The following GRID1 variants were observed in gnomAD, a reference collection of about 807,000 sequenced individuals.
The protein encoded by GRID1 is glutamate receptor ionotropic, delta-1.
GRID1 carries 28 observed loss-of-function variants against 98.0 expected under a neutral mutation model. The observed-to-expected ratio is 0.29, with a 90% CI of 0.21 to 0.39. GRID1 has a LOEUF of 0.39. GRID1 is among the 10% of genes least tolerant of loss of function. The pLI is 1.00. For missense variants in GRID1, 1,111 were observed against 1,340.5 expected (o/e 0.83, Z 2.67); for synonymous variants, 553 against 538.5 (o/e 1.03, Z -0.37).
chr10:86,270,061 T>C (rs2132060855), intron 2 of GRID1, among the ~76,000 whole-genome samples: 1 of 152,338 alleles, frequency 6.6e-6, no homozygotes, highest in East Asian at 1.9e-4. Context: ...GCGTTTATAA[T>C]TGCATTCAAT....
chr10:86,277,253 G>A (rs111553507), intron 2 of GRID1, among the ~76,000 whole-genome samples: 72 of 152,288 alleles, frequency 4.7e-4, no homozygotes, highest in African/African-American at 1.7e-3. Flanking sequence ...CTTTTAAAAA[G>A]AGAAATTAAG....
intron 4 of GRID1, among the ~76,000 whole-genome samples, chr10:85,928,461 C>T (rs1409346020): frequency 5.9e-5 from 9 of 152,306 alleles, no homozygotes; most frequent in Middle Eastern, 6.8e-3. Flanking sequence ...GTGTGGGAAT[C>T]GGCACTGGCA....
chr10:86,317,308 C>T (rs1589447509), intron 2 of GRID1, among the ~76,000 whole-genome samples: 1 of 152,334 alleles, frequency 6.6e-6, no homozygotes, highest in South Asian at 2.1e-4. Flanking sequence ...ATCCACAAGC[C>T]CCCTTCCCCA....
chr10:85,857,816 G>A (rs1379353582), intron 6 of GRID1, among the ~76,000 whole-genome samples: 1 of 152,070 alleles, frequency 6.6e-6, no homozygotes, highest in Non-Finnish European at 1.5e-5. Context: ...TCCTCCCCCA[G>A]CCTCACCCCT....
At chr10:86,307,865 G>T (rs1413317817) in intron 2 of GRID1, among the ~76,000 whole-genome samples, 1 of 152,098 alleles carries the variant, frequency 6.6e-6, no homozygotes, top group African/African-American at 2.4e-5. Context: ...AATGTCCTTT[G>T]TTCCTTTGTT....
chr10:86,057,010 T>C (rs910150092), intron 4 of GRID1, among the ~76,000 whole-genome samples: 4 of 152,202 alleles, frequency 2.6e-5, no homozygotes, highest in African/African-American at 9.7e-5. Context: ...GTGAAGTTCC[T>C]TCAGCACATC....
chr10:86,348,776 C>T (rs1021488501), intron 2 of GRID1, among the ~76,000 whole-genome samples: 5 of 152,240 alleles, frequency 3.3e-5, no homozygotes, highest in African/African-American at 7.2e-5. Context: ...TCACCAGTGC[C>T]GATCAGTGCG....
intron 4 of GRID1, among the ~76,000 whole-genome samples, chr10:86,127,768 G>A (rs143016514): frequency 7.7e-4 from 117 of 152,312 alleles, no homozygotes; most frequent in Middle Eastern, 3.4e-3. Context: ...GTGAGTAGGA[G>A]CTATCCTTCT....
At chr10:85,751,471 T>C (rs1029715750) in intron 8 of GRID1, among the ~76,000 whole-genome samples, 1 of 152,122 alleles carries the variant, frequency 6.6e-6, no homozygotes, top group Non-Finnish European at 1.5e-5. Flanking sequence ...GCAATCCCAT[T>C]GAGATAGCCC....
chr10:86,114,953 C>G lies in GRID1; in HGVS notation c.726+23866G>C, dbSNP rs1301907811. On this transcript the variant is annotated intron_variant, in intron 4 of 15. Coordinates refer to ENST00000327946, the MANE Select transcript of GRID1 (RefSeq NM_017551.3). ...TGACAGCAGGTAAGAATCCACCTCT[C>G]TCCCTGCCTGCTCCTGGGATCCAGT... 4.1e-4 allele frequency among the ~76,000 whole-genome samples: 63 copies of G among 152,248 alleles called. 1 individual carries two copies. The highest frequency in any genetic ancestry group is 7.3e-5 in the Non-Finnish European group (5 of 68,046).
chr10:86,027,774 C>T (rs1843134581), intron 4 of GRID1, among the ~76,000 whole-genome samples: 1 of 152,206 alleles, frequency 6.6e-6, no homozygotes, highest in Admixed American at 6.5e-5. Context: ...CATCTTGTTT[C>T]CTCAGCTCAG....
intron 8 of GRID1, among the ~76,000 whole-genome samples, chr10:85,749,680 T>A (rs1842028155): frequency 1.3e-5 from 2 of 152,178 alleles, no homozygotes. Context: ...TTCCTCCTAG[T>A]AATCTAAAAC....
intron 4 of GRID1, among the ~76,000 whole-genome samples, chr10:86,116,167 T>G (rs1163303084): frequency 6.6e-6 from 1 of 152,232 alleles, no homozygotes; most frequent in Non-Finnish European, 1.5e-5. Flanking sequence ...CGTGACTGTA[T>G]GTCTTCTAAT....
chr10:85,661,986 A>T (rs1172148925), intron 12 of GRID1, among the ~76,000 whole-genome samples: 1 of 152,138 alleles, frequency 6.6e-6, no homozygotes, highest in Non-Finnish European at 1.5e-5. Context: ...TCTGCCAAAA[A>T]CAAGGTTCTC....
At chr10:85,882,806 T>A (rs1841053515) in intron 5 of GRID1, among the ~76,000 whole-genome samples, 1 of 152,116 alleles carries the variant, frequency 6.6e-6, no homozygotes, top group East Asian at 1.9e-4. Context: ...TCATTTTAAC[T>A]GTCATTCCCT....
At chr10:85,642,329 T>G (rs558456803) in intron 13 of GRID1, among the ~76,000 whole-genome samples, 2 of 152,310 alleles carry the variant, frequency 1.3e-5, no homozygotes, top group South Asian at 4.1e-4. Flanking sequence ...TAAGTGCATG[T>G]GGCTGAGAGA....
At chr10:85,930,482 G>C (rs2131832222) in intron 4 of GRID1, among the ~76,000 whole-genome samples, 1 of 152,022 alleles carries the variant, frequency 6.6e-6, no homozygotes, top group Non-Finnish European at 1.5e-5. Context: ...GCCCTGGAGA[G>C]AGCCCATTCC....
At chr10:85,695,886 C>T (rs896674559) in intron 12 of GRID1, among the ~76,000 whole-genome samples, 5 of 152,124 alleles carry the variant, frequency 3.3e-5, no homozygotes, top group African/African-American at 1.2e-4. Context: ...AAGAGACATT[C>T]GTGGCTTCCT....
intron 12 of GRID1, among the ~76,000 whole-genome samples, chr10:85,667,943 C>G (rs1429338893): frequency 1.3e-5 from 2 of 152,220 alleles, no homozygotes; most frequent in African/African-American, 4.8e-5. Flanking sequence ...GGGCACCCAC[C>G]ATTCCCCATC....
Sources: gnomAD v4.1 joint callset for allele counts (sites outside exome capture counted in the v4.1 genomes callset) on GRCh38, gnomAD v4.1.1 for gene constraint, MANE v1.5 for transcripts, NCBI Gene and HGNC (gene_info 2026-07-23, HGNC 2026-07-21) for gene names.